Variants in MZF1 observed in about 807,000 individuals in gnomAD.
MZF1 encodes zinc finger and SCAN domain-containing protein 6.
MZF1 carries 24 observed loss-of-function variants against 28.6 expected under a neutral mutation model. The ratio of observed to expected loss-of-function variants is 0.84; its 90% confidence interval spans 0.61 to 1.18. The LOEUF (loss-of-function observed/expected upper bound fraction) is 1.18, where lower values mean the gene tolerates loss of function less well. MZF1 is among the 50% of genes most tolerant of loss of function. MZF1 has a pLI of 0.00. For synonymous variants in MZF1, 516 were observed against 432.5 expected (o/e 1.19, Z -2.40); for missense variants, 1,166 against 1,026.4 (o/e 1.14, Z -1.86).
At position 58,563,049 on chromosome 19, in the gene MZF1, G is replaced by C. The variant is rs552709564; in HGVS notation, c.1228C>G (p.Arg410Gly). Residue 410 changes from arginine (R) to glycine (G), a missense_variant, in exon 6 of 6, where the codon CGG (arginine) becomes GGG (glycine). Transcript: ENST00000215057. ...CCACAGTCGCCGCACACGAACGGCCGCTCCTCGGTGTGCGTAAGCTGGTGG... is the reference window on the plus strand; with the variant it reads ...CCACAGTCGCCGCACACGAACGGCCCCTCCTCGGTGTGCGTAAGCTGGTGG... ...LRHQLTHTEERPFVCGDCGQG... is the reference protein window; with the variant it reads ...LRHQLTHTEEGPFVCGDCGQG... The C allele has an allele frequency of 9.7e-5, 155 of 1,602,406 alleles. 4 individuals carry two copies. In the South Asian group the frequency reaches 1.7e-3, roughly 17 times the overall value.
rs561645926 is a variant in MZF1, at chr19:58,562,904, T to G, written c.1373A>C (p.His458Pro). 3 of 1,586,050 alleles carry G rather than the reference T, an allele frequency of 1.9e-6. No homozygotes were observed. The South Asian group carries it at 3.4e-5, about 18-fold the overall frequency. The change falls in exon 6 of 6, where the codon CAC becomes CCC. Residue 458 changes from histidine to proline, a missense_variant. Transcript: ENST00000215057. ...SFRQRSNLLQ[H>P]QRIHGDPPGP... ...CGGGGGATCGCCGTGGATGCGCTGG[T>G]GCTGCAGCAGATTGGAGCGCTGCCG... is the stretch of plus-strand genomic sequence containing the variant.
rs1600098449 is a variant in MZF1, at chr19:58,563,694, C to T, written c.773-190G>A. The T allele has an allele frequency of 1.7e-5, 9 of 542,686 alleles. No individual in the cohort carries two copies. The East Asian group carries it at 2.7e-4, about 16-fold the overall frequency. 33.6% of individuals were successfully genotyped at this position (542,686 alleles called of 1,614,324 possible). A position where few individuals can be genotyped will look rare whatever the true frequency, so the allele number is the denominator to read the frequency against. Reference sequence around the variant, plus strand: ...TGATGAGGTGATAATGAGACAGAACCCAGCACAAGGAGGAAGACTGGGCTA... The same window carrying T: ...TGATGAGGTGATAATGAGACAGAACTCAGCACAAGGAGGAAGACTGGGCTA... On this transcript the variant is annotated intron_variant, in intron 5 of 5. Transcript: ENST00000215057.
intron 2 of MZF1, 52 bp downstream of exon 2, chr19:58,570,942 C>T: frequency 6.5e-7 from 1 of 1,539,354 alleles, no homozygotes; most frequent in Admixed American, 1.9e-5. Context: ...CAGGGTGAGG[C>T]CGAGCTGGAT....
chr19:58,562,473 ACT>A lies in MZF1; in HGVS notation c.1802_1803del (p.Glu601ValfsTer28). 1 of 1,610,344 alleles carries A rather than the reference ACT, an allele frequency of 6.2e-7. No homozygotes were observed. On this transcript the variant is annotated frameshift_variant, in exon 6 of 6. Coordinates refer to ENST00000215057, the MANE Select transcript of MZF1 (RefSeq NM_198055.2). LOFTEE classifies it low-confidence loss of function (END_TRUNC). ...HTGEKPFACP[E>X]CGQRFSQRLK... ...AGGCGCTGGCTGAAGCGCTGGCCACACTCGGGGCAGGCAAAGGGTTTCTCGCC... is the reference window on the plus strand; with the variant it reads ...AGGCGCTGGCTGAAGCGCTGGCCACACGGGGCAGGCAAAGGGTTTCTCGCC...
chr19:58,565,303 AGGCT>A (rs2054026259), intron 5 of MZF1, among the ~76,000 whole-genome samples: 1 of 147,976 alleles, frequency 6.8e-6, no homozygotes, highest in South Asian at 2.1e-4. Context: ...CATGTTGGTC[AGGCT>A]GGTCTCGAAC....
At chr19:58,565,432 G>A in intron 5 of MZF1, among the ~76,000 whole-genome samples, 1 of 152,018 alleles carries the variant, frequency 6.6e-6, no homozygotes, top group East Asian at 1.9e-4. Context: ...GTTTCACCAT[G>A]TTGGCCAGGC....
At chr19:58,564,900 G>GTTTTTTTTTTTTTTTTTTTTTTTTTTTT (rs1253286923) in intron 5 of MZF1, among the ~76,000 whole-genome samples, 1 of 69,354 alleles carries the variant, frequency 1.4e-5, no homozygotes, top group African/African-American at 7.2e-5. Flanking sequence ...ATCCATGTGT[G>GTTTTTTTTTTTTTTTTTTTTTTTTTTTT]TGTTTTTTTT....
rs1196541366 is a variant in MZF1, at chr19:58,562,479, G to C, written c.1798C>G (p.Pro600Ala). The C allele has an allele frequency of 2.5e-6, 4 of 1,611,008 alleles. No homozygotes were observed. In the South Asian group the frequency reaches 3.3e-5, roughly 13 times the overall value. The change falls in exon 6 of 6, where the codon CCC becomes GCC. Residue 600 changes from proline (P) to alanine (A), a missense_variant. Physicochemically the swap from Pro to Ala is conservative, Grantham distance 27 (BLOSUM62 -1). Coordinates refer to ENST00000215057, the MANE Select transcript of MZF1 (RefSeq NM_198055.2). ...VHTGEKPFAC[P>A]ECGQRFSQRL... ...TGGCTGAAGCGCTGGCCACACTCGG[G>C]GCAGGCAAAGGGTTTCTCGCCCGTG...
At chr19:58,569,087 T>C in intron 5 of MZF1, 190 bp downstream of exon 5, 1 of 634,968 alleles carries the variant, frequency 1.6e-6, no homozygotes, top group South Asian at 2.4e-5. Flanking sequence ...TCAGTGGTAG[T>C]GGTGGGTGGC....
chr19:58,570,786 C>T (rs1485166037), intron 2 of MZF1: 17 of 659,696 alleles, frequency 2.6e-5, no homozygotes, highest in Middle Eastern at 2.9e-4. Flanking sequence ...CCTATGTCCA[C>T]GTGACTGCAG....
intron 1 of MZF1, chr19:58,572,795 G>C (rs2054190199): frequency 2.5e-6 from 1 of 399,280 alleles, no homozygotes; most frequent in African/African-American, 2.1e-5. Context: ...CAGAAGTCCA[G>C]GCGGCAACTT....
At position 58,563,308 on chromosome 19, in the gene MZF1, G is replaced by A; in HGVS notation, c.969C>T (p.Cys323=). 6.2e-7 allele frequency: 1 copy of A among 1,608,602 alleles called. No homozygotes were observed. The highest frequency in any genetic ancestry group is 1.1e-5 in the South Asian group (1 of 90,362). The change falls in exon 6 of 6, where the codon TGC becomes TGT. Residue 323 remains cysteine, a synonymous_variant. Coordinates refer to ENST00000215057, the MANE Select transcript of MZF1 (RefSeq NM_198055.2). ...TGATCAGAGCAGGGCCCACACCCCG[G>A]CAGGGATCCTCGTCCGTGGGGTCCT... ...SEQDPTDEDP[C]RGVGPALITT... is the part of the protein sequence containing the mutation.
intron 5 of MZF1, among the ~76,000 whole-genome samples, chr19:58,566,412 A>C (rs2054058418): frequency 6.6e-6 from 1 of 152,040 alleles, no homozygotes; most frequent in Non-Finnish European, 1.5e-5. Flanking sequence ...GCGCCATTGC[A>C]CTCCAGCCTG....
Position 58,563,372 on chromosome 19 carries a change from G to A in MZF1, c.905C>T (p.Ala302Val), listed in dbSNP as rs958860070. The change falls in exon 6 of 6, where the codon GCG becomes GTG. Residue 302 changes from alanine (A) to valine (V), a missense_variant. Physicochemically the swap from Ala to Val is moderately conservative, Grantham distance 64 (BLOSUM62 0). Coordinates refer to ENST00000215057, the MANE Select transcript of MZF1 (RefSeq NM_198055.2). ...ATCGCTGGGGAGCAGAAGCGCATGC[G>A]CAAAGCCACCTTCGCGGGAGGGTGA... ...IQSPSREGGF[A>V]HALLLPSDLR... is the part of the protein sequence containing the mutation. 6.2e-7 allele frequency: 1 copy of A among 1,606,022 alleles called. No individual in the cohort carries two copies. Among genetic ancestry groups the A allele is most frequent in the Non-Finnish European group, 8.5e-7 (1 of 1,176,372 alleles).
chr19:58,568,250 CAA>C, intron 5 of MZF1: 1 of 148,252 alleles, frequency 6.7e-6, no homozygotes, highest in Non-Finnish European at 1.5e-5. Context: ...CTCCCCCCAC[CAA>C]AAAAAAAGCT....
At chr19:58,564,997 C>T (rs749628677) in intron 5 of MZF1, among the ~76,000 whole-genome samples, 7 of 144,362 alleles carry the variant, frequency 4.8e-5, no homozygotes, top group South Asian at 2.3e-4. Context: ...CTCGGCTCAC[C>T]GCAACCTCTG....
In MZF1 at chr19:58,571,024, CA is replaced by C; in HGVS notation, c.365del (p.Leu122ArgfsTer62). On this transcript the variant is annotated frameshift_variant, in exon 2 of 6. Transcript: ENST00000215057. LOFTEE classifies it high-confidence loss of function. ...PEEAAALVDGLRREPGGPRRW... is the reference protein window; with the variant it reads ...PEEAAALVDGXRREPGGPRRW... Reference sequence around the variant, plus strand: ...TCCGGGGTCCGCCCGGCTCCCGGCGCAGCCCATCTACTAGGGCAGCAGCCTC... The same window carrying C: ...TCCGGGGTCCGCCCGGCTCCCGGCGCGCCCATCTACTAGGGCAGCAGCCTC... The C allele has an allele frequency of 6.2e-7, 1 of 1,610,950 alleles. No homozygotes were observed. The highest frequency in any genetic ancestry group is 1.3e-5 in the African/African-American group (1 of 74,974).
rs188355778 is a variant in MZF1, at chr19:58,570,070, G to T, written c.580+274C>A. The T allele has an allele frequency of 5.6e-4, 223 of 395,526 alleles. 1 individual carries two copies. The highest frequency in any genetic ancestry group is 4.3e-3 in the African/African-American group (206 of 48,470). The allele number at this position is 395,526 out of a possible 1,614,324, so 24.5% of individuals were successfully genotyped here. On this transcript the variant is annotated intron_variant, in intron 3 of 5. Transcript: ENST00000215057. ...TCTCCTTGGGGACTGAACACCACAT[G>T]CCATCTGTACTGGGAAACCCCAACA...
At position 58,562,475 on chromosome 19, in the gene MZF1, T is replaced by A; in HGVS notation, c.1802A>T (p.Glu601Val). 1.9e-6 allele frequency: 3 copies of A among 1,611,236 alleles called. No homozygotes were observed. Among genetic ancestry groups the A allele is most frequent in the Non-Finnish European group, 2.5e-6 (3 of 1,179,410 alleles). The change falls in exon 6 of 6, where the codon GAG (glutamate) becomes GTG (valine). Residue 601 changes from glutamate (E) to valine (V), a missense_variant. Coordinates refer to ENST00000215057, the MANE Select transcript of MZF1 (RefSeq NM_198055.2). The part of the protein sequence containing the change: ...HTGEKPFACP[E>V]CGQRFSQRLK... ...GCGCTGGCTGAAGCGCTGGCCACAC[T>A]CGGGGCAGGCAAAGGGTTTCTCGCC...
Sources: allele counts gnomAD v4.1 joint callset (sites outside exome capture counted in the v4.1 genomes callset), GRCh38; gene constraint gnomAD v4.1.1; transcripts MANE v1.5; gene names NCBI Gene and HGNC (gene_info 2026-07-23, HGNC 2026-07-21).